Variants in DGKK observed in about 807,000 individuals in gnomAD.
DGKK encodes diacylglycerol kinase kappa.
In DGKK, 35 loss-of-function variants were observed where a neutral mutation model predicts 92.2. The observed-to-expected ratio is 0.38, with a 90% CI of 0.29 to 0.50. DGKK has a LOEUF of 0.50. DGKK is among the 20% of genes least tolerant of loss of function. DGKK has a pLI of 0.92. For synonymous variants in DGKK, 368 were observed against 360.6 expected (o/e 1.02, Z -0.23); for missense variants, 910 against 992.2 (o/e 0.92, Z 1.11).
At chrX:50,377,947 G>A in intron 22 of DGKK, 151 bp downstream of exon 22, 2 of 728,573 alleles carry the variant, frequency 2.7e-6, no homozygotes, top group Non-Finnish European at 4.0e-6. Context: ...GGGGGCCCAA[G>A]AATGCATTTA....
intron 4 of DGKK, among the ~76,000 whole-genome samples, chrX:50,419,959 G>A (rs1925534024): frequency 8.9e-6 from 1 of 112,329 alleles, no homozygotes; most frequent in Non-Finnish European, 1.9e-5. Context: ...CACATAGCCT[G>A]CATCAGAATC....
chrX:50,391,323 C>A (rs1924688234), intron 11 of DGKK, 114 bp downstream of exon 11: 5 of 1,027,588 alleles, frequency 4.9e-6, no homozygotes, highest in Non-Finnish European at 6.5e-6. Flanking sequence ...TGCACTGAAG[C>A]CAGAAAGGAA....
intron 1 of DGKK, among the ~76,000 whole-genome samples, chrX:50,444,508 C>G (rs1557231585): frequency 9.0e-6 from 1 of 111,151 alleles, no homozygotes; most frequent in African/African-American, 3.3e-5. Context: ...GAGTTCTCAT[C>G]ATTTAGCTCC....
At chrX:50,385,934 T>G (rs1362147500) in intron 15 of DGKK, among the ~76,000 whole-genome samples, 5 of 111,917 alleles carry the variant, frequency 4.5e-5, no homozygotes, top group Non-Finnish European at 7.5e-5. Flanking sequence ...GCCTGATTAA[T>G]CATGTGCAAC....
In DGKK at chrX:50,367,623, C is replaced by G. The variant is rs1446705555; in HGVS notation, c.*1317G>C. 2 of 111,195 alleles carry G rather than the reference C, an allele frequency of 1.8e-5. No homozygotes were observed. Among genetic ancestry groups the G allele is most frequent in the African/African-American group, 6.6e-5 (2 of 30,523 alleles). 9.2% of individuals were successfully genotyped at this position (111,195 alleles called of 1,213,427 possible). A position where few individuals can be genotyped will look rare whatever the true frequency, so the allele number is the denominator to read the frequency against. On this transcript the variant is annotated 3_prime_UTR_variant, in exon 28 of 28. Transcript: ENST00000611977. ...TGGAGCTTGTGGGGAAGGGCCTAGG[C>G]TGTGACTTAATTGTCAGGCAGTCCC...
chrX:50,386,832 TGCATCAGTGTATATA>T (rs1557225000), intron 14 of DGKK, among the ~76,000 whole-genome samples: 1 of 112,025 alleles, frequency 8.9e-6, no homozygotes, highest in Non-Finnish European at 1.9e-5. Flanking sequence ...AGTGGCCCCA[TGCATCAGTGTATATA>T]GCTGAGTCTT....
At chrX:50,389,492 G>A (rs1424375035) in intron 12 of DGKK, among the ~76,000 whole-genome samples, 2 of 112,056 alleles carry the variant, frequency 1.8e-5, no homozygotes, top group Non-Finnish European at 3.8e-5. Context: ...AGACTGGATA[G>A]ATGACTGGAT....
At chrX:50,431,686 A>G (rs1385455135) in intron 1 of DGKK, among the ~76,000 whole-genome samples, 1 of 111,283 alleles carries the variant, frequency 9.0e-6, no homozygotes, top group Non-Finnish European at 1.9e-5. Flanking sequence ...CTGTTTCCTA[A>G]CACTCGCTTG....
At position 50,384,704 on chromosome X, in the gene DGKK, A is replaced by T. The variant is rs372153299; in HGVS notation, c.2452+16T>A. The T allele has an allele frequency of 1.7e-6, 2 of 1,190,639 alleles. No homozygotes were observed. Among genetic ancestry groups the T allele is most frequent in the Non-Finnish European group, 2.3e-6 (2 of 880,125 alleles). Reference sequence around the variant, plus strand: ...ACGAAGGCTAGAATAAGGGAAGAAGACAGAAAGATCCTTACGGCGTCGTGG... The same window carrying T: ...ACGAAGGCTAGAATAAGGGAAGAAGTCAGAAAGATCCTTACGGCGTCGTGG... On this transcript the variant is annotated intron_variant, in intron 16 of 27. Transcript: ENST00000611977.
intron 1 of DGKK, among the ~76,000 whole-genome samples, chrX:50,455,298 C>T (rs1337308076): frequency 8.9e-6 from 1 of 111,941 alleles, no homozygotes; most frequent in Non-Finnish European, 1.9e-5. Context: ...TTTTAGCTTG[C>T]TGTCTTTGGA....
chrX:50,416,985 C>T (rs1925452411), intron 4 of DGKK, among the ~76,000 whole-genome samples: 1 of 108,821 alleles, frequency 9.2e-6, no homozygotes, highest in Admixed American at 1.0e-4. Context: ...ATTAATTTTG[C>T]CAGAATCAAC....
rs1923978965 is a variant in DGKK at position 50,366,504 on chromosome X, A to G, written c.*2436T>C. On this transcript the variant is annotated 3_prime_UTR_variant, in exon 28 of 28. Transcript: ENST00000611977. ...CATGGCACAACAGAGCAACAGCAGC[A>G]TCACTGTGCACAAAGACCTAATTAT... is the stretch of plus-strand genomic sequence containing the variant. The G allele has an allele frequency of 8.9e-6, 1 of 112,000 alleles. No individual in the cohort carries two copies. Among genetic ancestry groups the G allele is most frequent in the African/African-American group, 3.3e-5 (1 of 30,769 alleles). 9.2% of individuals were successfully genotyped at this position (112,000 alleles called of 1,213,427 possible).
chrX:50,379,889 A>C (rs1924372091), intron 19 of DGKK, 92 bp downstream of exon 19: 1 of 962,966 alleles, frequency 1.0e-6, no homozygotes, highest in Non-Finnish European at 1.5e-6. Flanking sequence ...CACAGAGTTA[A>C]AGCTCAGGAA....
At chrX:50,391,616 T>C in intron 10 of DGKK, 40 bp from the exon 11 acceptor site, 2 of 1,200,786 alleles carry the variant, frequency 1.7e-6, no homozygotes, top group Non-Finnish European at 2.3e-6. Context: ...AGACAGTCTT[T>C]CTACCAAGCT....
chrX:50,384,096 G>A, intron 17 of DGKK, 72 bp downstream of exon 17: 1 of 649,447 alleles, frequency 1.5e-6, no homozygotes, highest in East Asian at 4.5e-5. Context: ...TTTGACTATG[G>A]ATATCCTAAG....
chrX:50,376,953 G>T (rs368060185), intron 22 of DGKK, 35 bp from the exon 23 acceptor site: 5 of 1,147,990 alleles, frequency 4.4e-6, no homozygotes, highest in Admixed American at 2.4e-5. Flanking sequence ...CCTAATGATT[G>T]CTGTAGCTAC....
At position 50,470,312 on chromosome X, in the gene DGKK, G is replaced by GGGCAGACTCTGT. The variant is rs782222254; in HGVS notation, c.355_366dup (p.Thr119_Ala122dup). 1 of 1,208,639 alleles carries GGGCAGACTCTGT rather than the reference G, an allele frequency of 8.3e-7. No homozygotes were observed. Among genetic ancestry groups the GGGCAGACTCTGT allele is most frequent in the Admixed American group, 2.2e-5 (1 of 45,878 alleles). On this transcript the variant is annotated inframe_insertion, in exon 1 of 28. Transcript: ENST00000611977. ...AGGGCAGGTTCTGGAGTCGGCTCTG[G>GGGCAGACTCTGT]GGCAGACTCTGTGGCAGGTTCTGGG...
At chrX:50,465,411 C>T in intron 1 of DGKK, among the ~76,000 whole-genome samples, 1 of 107,635 alleles carries the variant, frequency 9.3e-6, no homozygotes, top group Non-Finnish European at 1.9e-5. Flanking sequence ...TGGGGCATCT[C>T]CCTTTAGAAT....
intron 18 of DGKK, among the ~76,000 whole-genome samples, chrX:50,381,648 T>C (rs1447962300): frequency 2.7e-5 from 3 of 111,455 alleles, no homozygotes; most frequent in African/African-American, 9.8e-5. Context: ...ATACAAACTT[T>C]AGAAGAAAAC....
Sources: allele counts gnomAD v4.1 joint callset (sites outside exome capture counted in the v4.1 genomes callset), GRCh38; gene constraint gnomAD v4.1.1; transcripts MANE v1.5; gene names NCBI Gene and HGNC (gene_info 2026-07-23, HGNC 2026-07-21).